Variants in APBA1 observed in about 807,000 individuals in gnomAD.
APBA1 encodes the protein amyloid-beta A4 precursor protein-binding family A member 1.
In APBA1, 55 loss-of-function variants were observed where a neutral mutation model predicts 86.6. The observed-to-expected ratio is 0.64, with a 90% CI of 0.51 to 0.80. The LOEUF (loss-of-function observed/expected upper bound fraction) is 0.80, where lower values mean the gene tolerates loss of function less well. Among genes scored for constraint, APBA1 ranks in the 30% least tolerant of loss-of-function variants. APBA1 has a pLI of 0.00. For synonymous variants in APBA1, 511 were observed against 493.9 expected (o/e 1.03, Z -0.46); for missense variants, 1,090 against 1,183.0 (o/e 0.92, Z 1.15).
chr9:69,600,443 C>T (rs1243257645), intron 1 of APBA1, among the ~76,000 whole-genome samples: 1 of 152,166 alleles, frequency 6.6e-6, no homozygotes, highest in African/African-American at 2.4e-5. Context: ...CCCATGGTGA[C>T]AGCCCAAGTC....
At chr9:69,445,673 C>T (rs1834895184) in intron 10 of APBA1, among the ~76,000 whole-genome samples, 2 of 152,100 alleles carry the variant, frequency 1.3e-5, no homozygotes, top group African/African-American at 4.8e-5. Context: ...AAATGTTCCA[C>T]CCACCAATAA....
chr9:69,558,750 ACC>A (rs995593465), intron 1 of APBA1, among the ~76,000 whole-genome samples: 2 of 151,876 alleles, frequency 1.3e-5, no homozygotes, highest in Non-Finnish European at 2.9e-5. Flanking sequence ...ACCCTCACAG[ACC>A]CCAGTGTCTG....
At chr9:69,565,057 T>A (rs1837003754) in intron 1 of APBA1, among the ~76,000 whole-genome samples, 3 of 152,228 alleles carry the variant, frequency 2.0e-5, no homozygotes, top group Admixed American at 6.5e-5. Flanking sequence ...GCTCCTCATA[T>A]AAGCAAGGGC....
At chr9:69,616,836 T>C (rs934101771) in intron 1 of APBA1, among the ~76,000 whole-genome samples, 1 of 152,124 alleles carries the variant, frequency 6.6e-6, no homozygotes, top group Non-Finnish European at 1.5e-5. Context: ...TGGAGAAAGA[T>C]CTTGGTCAAA....
rs770246888 is a variant in APBA1, at chr9:69,449,749, C to G, written c.2016G>C (p.Val672=). 1 of 1,613,980 alleles carries G rather than the reference C, an allele frequency of 6.2e-7. No homozygotes were observed. The highest frequency in any genetic ancestry group is 8.5e-7 in the Non-Finnish European group (1 of 1,179,968). The change falls in exon 10 of 13, where the codon GTG becomes GTC. Residue 672 remains valine (V), a synonymous_variant. Coordinates refer to ENST00000265381, the MANE Select transcript of APBA1 (RefSeq NM_001163.4). The part of the protein sequence containing the change: ...QKGEILGVVI[V]ESGWGSILPT... ...GGAGGATGGATCCCCAGCCAGACTC[C>G]ACAATCACCACACCTAGGATTTCTC...
chr9:69,596,339 T>G (rs1178958007), intron 1 of APBA1, among the ~76,000 whole-genome samples: 3 of 152,208 alleles, frequency 2.0e-5, no homozygotes, highest in African/African-American at 7.2e-5. Context: ...TTTTACCCAC[T>G]GATATGGAAC....
chr9:69,672,646 C>G (rs1040409656), upstream of APBA1: 1 of 151,406 alleles, frequency 6.6e-6, no homozygotes, highest in Non-Finnish European at 1.5e-5. Flanking sequence ...GGCACACCCG[C>G]GCCTCTCGCC....
intron 5 of APBA1, chr9:69,462,791 T>C (rs1835211724): frequency 6.6e-6 from 1 of 152,168 alleles, no homozygotes; most frequent in South Asian, 2.1e-4. Context: ...AAGGCAGTGG[T>C]TCCCAAACGC....
At chr9:69,622,671 A>C (rs984232413) in intron 1 of APBA1, among the ~76,000 whole-genome samples, 2 of 152,132 alleles carry the variant, frequency 1.3e-5, no homozygotes, top group African/African-American at 4.8e-5. Flanking sequence ...CCTTATTTGA[A>C]CCTACAGAGT....
At chr9:69,637,228 TG>T (rs2134004582) in intron 1 of APBA1, among the ~76,000 whole-genome samples, 1 of 152,214 alleles carries the variant, frequency 6.6e-6, no homozygotes, top group Non-Finnish European at 1.5e-5. Flanking sequence ...TGGGAAGGGT[TG>T]GGGAGGATGA....
chr9:69,553,837 T>G (rs1262539516), intron 1 of APBA1, among the ~76,000 whole-genome samples: 1 of 152,248 alleles, frequency 6.6e-6, no homozygotes, highest in African/African-American at 2.4e-5. Context: ...TGAATCAAAA[T>G]GATTAAGCAT....
intron 1 of APBA1, among the ~76,000 whole-genome samples, chr9:69,653,830 A>T (rs2134018328): frequency 6.6e-6 from 1 of 152,204 alleles, no homozygotes; most frequent in East Asian, 1.9e-4. Flanking sequence ...AGTTTAGACC[A>T]GGTGTGGTGG....
intron 1 of APBA1, among the ~76,000 whole-genome samples, chr9:69,602,639 T>C (rs1822376678): frequency 1.3e-5 from 2 of 152,094 alleles, no homozygotes; most frequent in Non-Finnish European, 2.9e-5. Flanking sequence ...CTCATTCTTC[T>C]ATCTTCCACC....
chr9:69,574,527 C>G (rs1278990965), intron 1 of APBA1, among the ~76,000 whole-genome samples: 2 of 152,098 alleles, frequency 1.3e-5, no homozygotes, highest in African/African-American at 2.4e-5. Flanking sequence ...ATGTACTGAT[C>G]TCTTTTTGGA....
chr9:69,667,274 A>C (rs905852609), intron 1 of APBA1, among the ~76,000 whole-genome samples: 2 of 152,174 alleles, frequency 1.3e-5, no homozygotes, highest in Non-Finnish European at 2.9e-5. Context: ...AATGCTCACT[A>C]TACAAAAATT....
At chr9:69,456,894 C>T (rs533880084) in intron 7 of APBA1, among the ~76,000 whole-genome samples, 159 bp downstream of exon 7, 1 of 152,312 alleles carries the variant, frequency 6.6e-6, no homozygotes, top group African/African-American at 2.4e-5. Flanking sequence ...CCAAACCCCA[C>T]CCAGCAGCAG....
intron 2 of APBA1, among the ~76,000 whole-genome samples, chr9:69,499,597 A>C (rs1482204223): frequency 6.6e-6 from 1 of 151,718 alleles, no homozygotes; most frequent in Non-Finnish European, 1.5e-5. Flanking sequence ...ACAGGATAAG[A>C]GGCTCTAACA....
chr9:69,571,939 A>G (rs1423615045), intron 1 of APBA1, among the ~76,000 whole-genome samples: 4 of 152,204 alleles, frequency 2.6e-5, no homozygotes, highest in African/African-American at 9.6e-5. Context: ...GCACAGGCAT[A>G]GGAGTGGGAT....
chr9:69,548,045 G>A (rs1255188466), intron 1 of APBA1, among the ~76,000 whole-genome samples: 2 of 152,200 alleles, frequency 1.3e-5, no homozygotes, highest in Non-Finnish European at 1.5e-5. Flanking sequence ...ACCTAATCAT[G>A]AGTCCTTAAA....
Sources: allele counts gnomAD v4.1 joint callset (sites outside exome capture counted in the v4.1 genomes callset), GRCh38; gene constraint gnomAD v4.1.1; transcripts MANE v1.5; gene names NCBI Gene and HGNC (gene_info 2026-07-23, HGNC 2026-07-21).